The following SMYD3 variants were observed in gnomAD, a reference collection of about 807,000 sequenced individuals.
SMYD3 encodes the protein SET and MYND domain containing 3, also known as histone-lysine N-methyltransferase SMYD3.
In SMYD3, 36 loss-of-function variants were observed where a neutral mutation model predicts 57.7. The ratio of observed to expected loss-of-function variants is 0.62; its 90% CI spans 0.48 to 0.82. SMYD3 has a LOEUF of 0.82. Ranked by LOEUF, SMYD3 falls within the 40% of genes least tolerant of loss-of-function variation. The pLI is 0.00. For missense variants in SMYD3, 515 were observed against 538.8 expected (o/e 0.96, Z 0.44); for synonymous variants, 211 against 195.0 (o/e 1.08, Z -0.68).
intron 4 of SMYD3, among the ~76,000 whole-genome samples, chr1:246,328,612 TTTC>T (rs2065397930): frequency 6.7e-6 from 1 of 150,036 alleles, no homozygotes; most frequent in African/African-American, 2.4e-5. Context: ...AACCCAATGA[TTTC>T]TTTTTTTTTC....
At chr1:246,043,295 T>A (rs12094677) in intron 5 of SMYD3, among the ~76,000 whole-genome samples, 9,018 of 152,338 alleles carry the variant, frequency 0.059, 333 homozygotes, top group African/African-American at 0.099. Context: ...TAATATTTAC[T>A]GAGCACACAG....
chr1:245,936,620 C>T (rs1001644621), intron 5 of SMYD3, among the ~76,000 whole-genome samples: 7 of 152,166 alleles, frequency 4.6e-5, no homozygotes, highest in East Asian at 1.9e-4. Context: ...TAAGGCCAGG[C>T]GCAGCGGCTC....
intron 10 of SMYD3, among the ~76,000 whole-genome samples, chr1:245,838,914 T>A (rs879942529): frequency 6.6e-6 from 1 of 152,184 alleles, no homozygotes; most frequent in Admixed American, 6.5e-5. Context: ...TGCATTATCA[T>A]CTATGGGAGG....
At chr1:245,886,452 T>A (rs2053089761) in intron 8 of SMYD3, among the ~76,000 whole-genome samples, 1 of 152,188 alleles carries the variant, frequency 6.6e-6, no homozygotes, top group Admixed American at 6.5e-5. Flanking sequence ...ACAGCTAGTT[T>A]AGAGACCATC....
At chr1:246,432,224 C>T (rs951342816) in intron 1 of SMYD3, among the ~76,000 whole-genome samples, 3 of 152,216 alleles carry the variant, frequency 2.0e-5, no homozygotes, top group African/African-American at 7.2e-5. Flanking sequence ...AAGACAAACA[C>T]AATTTCTAAT....
chr1:246,289,304 G>A (rs2148590192), intron 5 of SMYD3, among the ~76,000 whole-genome samples: 2 of 152,298 alleles, frequency 1.3e-5, no homozygotes, highest in African/African-American at 2.4e-5. Flanking sequence ...TGCTGTTAGA[G>A]CACAGATAGT....
intron 5 of SMYD3, among the ~76,000 whole-genome samples, chr1:246,110,523 C>T (rs929200606): frequency 6.6e-6 from 1 of 152,230 alleles, no homozygotes; most frequent in Non-Finnish European, 1.5e-5. Flanking sequence ...TGCTGGCTCT[C>T]TCTCCCTTTG....
chr1:245,943,560 C>T (rs1280812014), intron 5 of SMYD3, among the ~76,000 whole-genome samples: 1 of 152,024 alleles, frequency 6.6e-6, no homozygotes, highest in African/African-American at 2.4e-5. Context: ...GGTACAAAGA[C>T]GAAGTGGTAC....
chr1:245,798,407 T>TACACACACACACATACACACACAAAC (rs1402299710), intron 10 of SMYD3, among the ~76,000 whole-genome samples: 5 of 16,304 alleles, frequency 3.1e-4, no homozygotes, highest in East Asian at 1.7e-3. Context: ...CACACACACA[T>TACACACACACACATACACACACAAAC]ACACACACAT....
chr1:245,857,513 C>T (rs1395832164), intron 10 of SMYD3, among the ~76,000 whole-genome samples: 5 of 152,228 alleles, frequency 3.3e-5, no homozygotes, highest in Admixed American at 6.5e-5. Flanking sequence ...TGTTGTCCTA[C>T]GTTGCCCCTT....
At chr1:245,919,592 T>C (rs188101231) in intron 7 of SMYD3, among the ~76,000 whole-genome samples, 42 of 152,342 alleles carry the variant, frequency 2.8e-4, no homozygotes, top group African/African-American at 8.2e-4. Flanking sequence ...GGCAAAAATA[T>C]TTTATTCATA....
At chr1:246,189,332 A>G (rs1031590027) in intron 5 of SMYD3, among the ~76,000 whole-genome samples, 12 of 152,246 alleles carry the variant, frequency 7.9e-5, no homozygotes, top group Non-Finnish European at 1.2e-4. Context: ...TGAGACTCAC[A>G]GGAATGATAT....
chr1:245,920,319 A>T, intron 7 of SMYD3, among the ~76,000 whole-genome samples: 1 of 129,276 alleles, frequency 7.7e-6, no homozygotes, highest in East Asian at 2.4e-4. Flanking sequence ...TCTCAAAAAA[A>T]AAAAAAAAAA....
At chr1:246,327,380 T>C in intron 4 of SMYD3, 43 bp from the exon 5 acceptor site, 1 of 1,555,108 alleles carries the variant, frequency 6.4e-7, no homozygotes, top group Non-Finnish European at 8.8e-7. Flanking sequence ...CAAAGTAAAC[T>C]TCTGAAGGAT....
At chr1:245,950,312 A>G (rs953527693) in intron 5 of SMYD3, among the ~76,000 whole-genome samples, 1 of 152,080 alleles carries the variant, frequency 6.6e-6, no homozygotes, top group Non-Finnish European at 1.5e-5. Context: ...CGTGCCCACA[A>G]TGTATTTGGA....
In SMYD3 at chr1:246,004,558, G is replaced by A. The variant is rs181646474; in HGVS notation, c.532-74621C>T. On this transcript the variant is annotated intron_variant, in intron 5 of 11. Coordinates refer to ENST00000490107, the MANE Select transcript of SMYD3 (RefSeq NM_001167740.2). ...CGATTACACTGTAACTATGAAACAC[G>A]ACTGTTCTGGAATGATTTCCAGGCT... Among the ~76,000 whole-genome samples the A allele has an allele frequency of 1.1e-4, 16 of 152,190 alleles. No individual in the cohort carries two copies. In the East Asian group the frequency reaches 1.3e-3, roughly 13 times the overall value.
At chr1:246,031,768 G>T (rs1419162361) in intron 5 of SMYD3, among the ~76,000 whole-genome samples, 1 of 151,482 alleles carries the variant, frequency 6.6e-6, no homozygotes, top group Admixed American at 6.6e-5. Flanking sequence ...TGAAGAAGCT[G>T]ATTTCAAAGG....
At chr1:246,432,422 G>T (rs181247592) in intron 1 of SMYD3, among the ~76,000 whole-genome samples, 6 of 152,248 alleles carry the variant, frequency 3.9e-5, no homozygotes, top group African/African-American at 1.4e-4. Flanking sequence ...GTGGTGTTTG[G>T]TGCTTTATAA....
chr1:246,115,602 C>T (rs183612000), intron 5 of SMYD3, among the ~76,000 whole-genome samples: 6 of 152,204 alleles, frequency 3.9e-5, no homozygotes, highest in African/African-American at 9.7e-5. Flanking sequence ...GACAAATACA[C>T]GTGCAGGGAA....
Sources: gnomAD v4.1 joint callset for allele counts (sites outside exome capture counted in the v4.1 genomes callset) on GRCh38, gnomAD v4.1.1 for gene constraint, MANE v1.5 for transcripts, NCBI Gene and HGNC (gene_info 2026-07-23, HGNC 2026-07-21) for gene names.